The following MTUS2 variants were observed in gnomAD, a reference collection of about 807,000 sequenced individuals.
The protein encoded by MTUS2 is microtubule-associated tumor suppressor candidate 2.
Under a neutral mutation model 114.1 loss-of-function variants are expected in MTUS2, and 40 were observed. That is an observed-to-expected ratio of 0.35 (90% CI 0.27 to 0.46). MTUS2 has a LOEUF of 0.46. Among genes scored for constraint, MTUS2 ranks in the 20% least tolerant of loss-of-function variants. The pLI is 1.00. For synonymous variants in MTUS2, 688 were observed against 672.0 expected, an observed-to-expected ratio of 1.02 and a Z score of -0.37; for missense variants, 1,679 against 1,705.4, an observed-to-expected ratio of 0.98 and a Z score of 0.27.
At chr13:28,947,696 C>T (rs1007104969) in intron 2 of MTUS2, among the ~76,000 whole-genome samples, 1 of 152,202 alleles carries the variant, frequency 6.6e-6, no homozygotes. Flanking sequence ...CAACACCTTT[C>T]AGGTCTTACC....
At chr13:29,428,640 G>A (rs1162012061) in intron 8 of MTUS2, 3 of 713,308 alleles carry the variant, frequency 4.2e-6, no homozygotes, top group African/African-American at 4.6e-5. Context: ...TCTGATCGCT[G>A]CTGCCCTGCT....
intron 8 of MTUS2, 119 bp downstream of exon 8, chr13:29,359,592 G>A (rs1049510590): frequency 2.6e-5 from 29 of 1,127,168 alleles, no homozygotes; most frequent in Non-Finnish European, 3.5e-5. Context: ...AGTGGAGTTT[G>A]GATTTTCAGG....
At chr13:29,168,660 G>T (rs1306484037) in intron 5 of MTUS2, among the ~76,000 whole-genome samples, 1 of 152,128 alleles carries the variant, frequency 6.6e-6, no homozygotes, top group Non-Finnish European at 1.5e-5. Flanking sequence ...TGGGATAGGC[G>T]TTCAAATGTG....
At chr13:28,871,711 T>TA (rs1877627824) in intron 2 of MTUS2, among the ~76,000 whole-genome samples, 1 of 152,246 alleles carries the variant, frequency 6.6e-6, no homozygotes, top group Admixed American at 6.5e-5. Flanking sequence ...TAACTACTAT[T>TA]AAGAAAGTAC....
intron 8 of MTUS2, among the ~76,000 whole-genome samples, chr13:29,422,648 CTTTTTTTTTTTTTT>C (rs11342823): frequency 1.5e-5 from 1 of 67,978 alleles, no homozygotes; most frequent in Non-Finnish European, 2.6e-5. Context: ...GATTTCTTTT[CTTTTTTTTTTTTTT>C]TTTTTTTTTT....
At chr13:28,913,812 C>G (rs902688531) in intron 2 of MTUS2, among the ~76,000 whole-genome samples, 2 of 151,962 alleles carry the variant, frequency 1.3e-5, no homozygotes, top group African/African-American at 4.8e-5. Context: ...TTGGTCTATT[C>G]AGGGATTCTG....
At chr13:29,345,579 T>C (rs370188932) in intron 7 of MTUS2, among the ~76,000 whole-genome samples, 11 of 152,170 alleles carry the variant, frequency 7.2e-5, no homozygotes, top group Middle Eastern at 3.4e-3. Context: ...ACATTGTTTT[T>C]TAAGTTGGTA....
At chr13:29,171,221 CAA>C (rs1430725703) in intron 5 of MTUS2, among the ~76,000 whole-genome samples, 2 of 152,062 alleles carry the variant, frequency 1.3e-5, no homozygotes, top group African/African-American at 4.8e-5. Flanking sequence ...GTAGGGCTAA[CAA>C]GAACCATTTT....
At chr13:29,362,130 T>C (rs1189674581) in intron 8 of MTUS2, among the ~76,000 whole-genome samples, 1 of 152,214 alleles carries the variant, frequency 6.6e-6, no homozygotes, top group East Asian at 1.9e-4. Context: ...ACAAAGTCAT[T>C]GTGAGAATGT....
chr13:29,103,758 C>CT (rs1222083005), intron 5 of MTUS2, among the ~76,000 whole-genome samples: 1 of 152,172 alleles, frequency 6.6e-6, no homozygotes, highest in African/African-American at 2.4e-5. Flanking sequence ...GACCACTGTC[C>CT]TATATGTGTT....
At chr13:29,390,651 CAA>C (rs1258039110) in intron 8 of MTUS2, among the ~76,000 whole-genome samples, 16 of 109,338 alleles carry the variant, frequency 1.5e-4, no homozygotes, top group Admixed American at 2.8e-4. Flanking sequence ...GACTCCATCT[CAA>C]AAAAAAAAAA....
chr13:28,907,179 A>C (rs953203176), intron 2 of MTUS2, among the ~76,000 whole-genome samples: 1 of 151,538 alleles, frequency 6.6e-6, no homozygotes, highest in African/African-American at 2.4e-5. Context: ...GAGAAATAAA[A>C]TACTTTACAG....
intron 6 of MTUS2, chr13:29,307,684 C>G: frequency 8.8e-7 from 1 of 1,137,170 alleles, no homozygotes; most frequent in Admixed American, 1.7e-5. Context: ...TAGCATTGCC[C>G]TCAACGACCA....
intron 5 of MTUS2, among the ~76,000 whole-genome samples, chr13:29,160,864 A>G (rs1893067148): frequency 1.3e-5 from 2 of 152,220 alleles, no homozygotes; most frequent in African/African-American, 4.8e-5. Flanking sequence ...GTACTGATAA[A>G]CACAACAACC....
At chr13:29,461,122 C>G (rs942933349) in intron 9 of MTUS2, among the ~76,000 whole-genome samples, 1 of 152,026 alleles carries the variant, frequency 6.6e-6, no homozygotes. Flanking sequence ...TAAGGGCCAA[C>G]TTGCTGTATC....
intron 6 of MTUS2, among the ~76,000 whole-genome samples, chr13:29,308,148 T>A (rs1899568061): frequency 6.6e-6 from 1 of 152,184 alleles, no homozygotes; most frequent in Admixed American, 6.5e-5. Flanking sequence ...CTGCCCGACT[T>A]CAAACTATAC....
chr13:28,926,094 G>A (rs1881313406), intron 2 of MTUS2, among the ~76,000 whole-genome samples: 1 of 152,158 alleles, frequency 6.6e-6, no homozygotes, highest in Non-Finnish European at 1.5e-5. Flanking sequence ...TCCCAAGGAT[G>A]GGAATTTTCC....
intron 5 of MTUS2, among the ~76,000 whole-genome samples, chr13:29,148,148 TGGTATC>T (rs1892511250): frequency 6.6e-6 from 1 of 152,136 alleles, no homozygotes; most frequent in Non-Finnish European, 1.5e-5. Context: ...CGTTGTGAGA[TGGTATC>T]GTATTGTGGT....
chr13:29,183,149 A>G (rs1309683217), intron 5 of MTUS2, among the ~76,000 whole-genome samples: 1 of 152,172 alleles, frequency 6.6e-6, no homozygotes, highest in Non-Finnish European at 1.5e-5. Flanking sequence ...TGTGAGGATG[A>G]ATTGTACCAC....
Sources: gnomAD v4.1 joint callset for allele counts (sites outside exome capture counted in the v4.1 genomes callset) on GRCh38, gnomAD v4.1.1 for gene constraint, MANE v1.5 for transcripts, NCBI Gene and HGNC (gene_info 2026-07-23, HGNC 2026-07-21) for gene names.